RAB11FIP4: variants seen among roughly 807,000 people sequenced by gnomAD.
RAB11FIP4 encodes rab11 family-interacting protein 4.
Under a neutral mutation model 74.3 loss-of-function variants are expected in RAB11FIP4, and 23 were observed. That is an observed-to-expected ratio of 0.31 (90% CI 0.22 to 0.44). The LOEUF (loss-of-function observed/expected upper bound fraction) is 0.44, where lower values mean the gene tolerates loss of function less well. Among genes scored for constraint, RAB11FIP4 ranks in the 20% least tolerant of loss-of-function variants. RAB11FIP4 has a pLI of 1.00. For missense variants in RAB11FIP4, 630 were observed against 863.9 expected, an observed-to-expected ratio of 0.73 and a Z score of 3.39; for synonymous variants, 360 against 359.9, an observed-to-expected ratio of 1.00 and a Z score of 0.00.
Position 31,512,520 on chromosome 17 carries a change from A to C in RAB11FIP4, c.337-5131A>C, listed in dbSNP as rs1169116504. Among the ~76,000 whole-genome samples the C allele has an allele frequency of 6.6e-6, 1 of 152,148 alleles. No homozygotes were observed. The highest frequency in any genetic ancestry group is 1.5e-5 in the Non-Finnish European group (1 of 68,008). On this transcript the variant is annotated intron_variant, in intron 3 of 14. Coordinates refer to ENST00000621161, the MANE Select transcript of RAB11FIP4 (RefSeq NM_032932.6). The surrounding 1 kb of genome is among the most constrained non-coding windows in gnomAD (Gnocchi z 4.1). Reference sequence around the variant, plus strand: ...TCCCTTCACCCCGGGGTCCGCTGGCAGGTGGAAGAAAGCCTGGGGTGGTGT... The same window carrying C: ...TCCCTTCACCCCGGGGTCCGCTGGCCGGTGGAAGAAAGCCTGGGGTGGTGT...
chr17:31,454,320 C>T (rs1356355418), intron 3 of RAB11FIP4, among the ~76,000 whole-genome samples: 1 of 152,164 alleles, frequency 6.6e-6, no homozygotes, highest in Non-Finnish European at 1.5e-5. Context: ...GTCACCCAGG[C>T]TGGAGTGCAG....
chr17:31,517,258 A>C (rs2072575055), intron 3 of RAB11FIP4, among the ~76,000 whole-genome samples: 1 of 146,060 alleles, frequency 6.8e-6, no homozygotes. Context: ...TTGGGCTCGG[A>C]AAATTGGGGT....
intron 10 of RAB11FIP4, 115 bp from the exon 11 acceptor site, chr17:31,527,727 T>C: frequency 7.2e-6 from 5 of 696,446 alleles, no homozygotes; most frequent in Non-Finnish European, 1.2e-5. Context: ...TTTCTCTCAG[T>C]TGGTTTCTGG....
At chr17:31,450,881 G>A (rs1352754774) in intron 3 of RAB11FIP4, among the ~76,000 whole-genome samples, 1 of 148,984 alleles carries the variant, frequency 6.7e-6, no homozygotes, top group Non-Finnish European at 1.5e-5. Flanking sequence ...CCCCAAGAAT[G>A]TTTCCCCAGG....
At chr17:31,524,119 C>T (rs928540074) in intron 9 of RAB11FIP4, 123 bp downstream of exon 9, 6 of 698,732 alleles carry the variant, frequency 8.6e-6, no homozygotes, top group African/African-American at 3.5e-5. Flanking sequence ...GTCTGTGACG[C>T]ATCAGCCTCT....
intron 3 of RAB11FIP4, among the ~76,000 whole-genome samples, chr17:31,503,661 T>C (rs1361829186): frequency 6.7e-6 from 1 of 149,832 alleles, no homozygotes; most frequent in Non-Finnish European, 1.5e-5. Flanking sequence ...ATCATTCTTA[T>C]GACCTCAGCC....
At chr17:31,414,253 A>G (rs576301579) in intron 1 of RAB11FIP4, among the ~76,000 whole-genome samples, 7 of 152,298 alleles carry the variant, frequency 4.6e-5, no homozygotes, top group African/African-American at 2.4e-5. Context: ...AGTCACCTAC[A>G]CACTTTTATG....
chr17:31,402,629 TA>T (rs2070999233), intron 1 of RAB11FIP4, among the ~76,000 whole-genome samples: 1 of 151,338 alleles, frequency 6.6e-6, no homozygotes, highest in South Asian at 2.1e-4. Context: ...TTTATTTATT[TA>T]TTTATTTTTG....
chr17:31,506,061 CTTTATGT>C (rs2072342978), intron 3 of RAB11FIP4, among the ~76,000 whole-genome samples: 1 of 151,944 alleles, frequency 6.6e-6, no homozygotes, highest in African/African-American at 2.4e-5. Context: ...TTAAGTTTTG[CTTTATGT>C]TTTGAGACTG....
At chr17:31,450,321 T>TTTATTATTA (rs67188813) in intron 3 of RAB11FIP4, among the ~76,000 whole-genome samples, 2,427 of 137,766 alleles carry the variant, frequency 0.018, 33 homozygotes, top group Middle Eastern at 0.026. Context: ...CGCCACCGGC[T>TTTATTATTA]TTATTATTAT....
chr17:31,522,325 C>T, intron 6 of RAB11FIP4, 35 bp from the exon 7 acceptor site: 3 of 1,609,544 alleles, frequency 1.9e-6, no homozygotes, highest in Non-Finnish European at 1.7e-6. Context: ...GACTAGAACC[C>T]CTCTGTTCAA....
At chr17:31,476,172 C>CTTTTTTTTTTTTTT (rs71369069) in intron 3 of RAB11FIP4, among the ~76,000 whole-genome samples, 8 of 63,532 alleles carry the variant, frequency 1.3e-4, no homozygotes, top group African/African-American at 4.8e-4. Context: ...ATCGACTGAA[C>CTTTTTTTTTTTTTT]TTTTTTTTTT....
chr17:31,486,067 C>G (rs2071897895), intron 3 of RAB11FIP4, among the ~76,000 whole-genome samples: 1 of 151,826 alleles, frequency 6.6e-6, no homozygotes. Flanking sequence ...AACCCCGTCT[C>G]TACTAAAAAT....
chr17:31,413,956 G>A (rs535987046), intron 1 of RAB11FIP4, among the ~76,000 whole-genome samples: 2 of 152,358 alleles, frequency 1.3e-5, no homozygotes, highest in East Asian at 1.9e-4. Context: ...CAGCTCATGA[G>A]GTTCACGGGT....
rs1022491711 is a variant in RAB11FIP4 at position 31,531,837 on chromosome 17, C to T, written c.*105C>T. On this transcript the variant is annotated 3_prime_UTR_variant, in exon 15 of 15. Transcript: ENST00000621161. ...GGCCTCACACTCACACTGTAAATGT[C>T]TCTCTGGCCACCATGCGTTACGTGT... The T allele has an allele frequency of 5.6e-5, 42 of 745,854 alleles. No homozygotes were observed. The highest frequency in any genetic ancestry group is 3.2e-4 in the Admixed American group (15 of 47,446). The allele number at this position is 745,854 out of a possible 1,614,324, so 46.2% of individuals were successfully genotyped here. A position where few individuals can be genotyped will look rare whatever the true frequency, so the allele number is the denominator to read the frequency against.
chr17:31,533,561 A>G lies in RAB11FIP4; in HGVS notation c.*1829A>G, dbSNP rs146973893. 922 of 152,402 alleles carry G rather than the reference A, an allele frequency of 6.0e-3. 8 individuals are homozygous for G. Among genetic ancestry groups the G allele is most frequent in the South Asian group, 0.013 (63 of 4,832 alleles). 9.4% of individuals were successfully genotyped at this position (152,402 alleles called of 1,614,324 possible). A position where few individuals can be genotyped will look rare whatever the true frequency, so the allele number is the denominator to read the frequency against. ...AAAGGAACAAGACAGATCCTGACAT[A>G]GCTTTGGCCTGGGTGTTAGGTCAGA... is the stretch of plus-strand genomic sequence containing the variant. On this transcript the variant is annotated 3_prime_UTR_variant, in exon 15 of 15. Transcript: ENST00000621161.
intron 10 of RAB11FIP4, 128 bp downstream of exon 10, chr17:31,525,358 C>T: frequency 1.2e-6 from 1 of 850,780 alleles, no homozygotes. Context: ...TGAGACTTTC[C>T]AGTAGTAACA....
intron 1 of RAB11FIP4, among the ~76,000 whole-genome samples, chr17:31,410,427 A>C (rs1315533879): frequency 6.6e-6 from 1 of 152,110 alleles, no homozygotes; most frequent in Admixed American, 6.5e-5. Context: ...AAATAGTGCA[A>C]GTTGGGCTGG....
chr17:31,394,940 G>T (rs907560785), intron 1 of RAB11FIP4, among the ~76,000 whole-genome samples: 2 of 33,002 alleles, frequency 6.1e-5, no homozygotes, highest in Non-Finnish European at 1.1e-4. Context: ...GCGGGGGGCG[G>T]GGGGGGGGGG....
Sources: allele counts gnomAD v4.1 joint callset (sites outside exome capture counted in the v4.1 genomes callset), GRCh38; gene constraint gnomAD v4.1.1; non-coding constraint Gnocchi (gnomAD v3.1); transcripts MANE v1.5; gene names NCBI Gene and HGNC (gene_info 2026-07-23, HGNC 2026-07-21).